Variants in KRT20 observed in about 807,000 individuals in gnomAD.
KRT20 encodes the protein keratin, type I cytoskeletal 20.
Under a neutral mutation model 43.0 loss-of-function variants are expected in KRT20, and 41 were observed. The observed-to-expected ratio is 0.95, with a 90% CI of 0.74 to 1.24. KRT20 has a LOEUF of 1.24. KRT20 is among the 50% of genes most tolerant of loss of function. The probability of loss-of-function intolerance (pLI) is 0.00; values close to 1 mark genes in which losing one functional copy is unlikely to be tolerated. For synonymous variants in KRT20, 207 were observed against 200.6 expected (o/e 1.03, Z -0.27); for missense variants, 533 against 521.2 (o/e 1.02, Z -0.22).
chr17:40,885,217 C>T lies in KRT20; in HGVS notation c.-32G>A, dbSNP rs1287059338. On this transcript the variant is annotated 5_prime_UTR_variant, in exon 1 of 8. Coordinates refer to ENST00000167588, the MANE Select transcript of KRT20 (RefSeq NM_019010.3). Reference sequence around the variant, plus strand: ...TTCCAGGAGGGAGCACCTGTAGCTTCAGGATGGTTGGGGCAGAGTGTGTCT... The same window carrying T: ...TTCCAGGAGGGAGCACCTGTAGCTTTAGGATGGTTGGGGCAGAGTGTGTCT... 1 of 1,556,212 alleles carries T rather than the reference C, an allele frequency of 6.4e-7. No individual in the cohort carries two copies. The highest frequency in any genetic ancestry group is 1.2e-5 in the South Asian group (1 of 86,168).
At chr17:40,878,021 C>T (rs1907420966) in intron 6 of KRT20, 124 bp downstream of exon 6, 8 of 811,598 alleles carry the variant, frequency 9.9e-6, no homozygotes, top group African/African-American at 1.7e-5. Flanking sequence ...CGTGGTGAGG[C>T]ATGTGTGAGT....
intron 2 of KRT20, among the ~76,000 whole-genome samples, chr17:40,881,897 AG>A (rs1278895583): frequency 2.7e-5 from 4 of 148,508 alleles, no homozygotes; most frequent in Non-Finnish European, 4.4e-5. Flanking sequence ...TTTTGAGACA[AG>A]GTCTCAGTCT....
rs926 is a variant in KRT20, at chr17:40,876,219, A to G, written c.*142T>C. Reference sequence around the variant, plus strand: ...TATTCAATTACAGAGTCTGATAAATAGGATTCCCGCCACCCCACCCCTTCT... The same window carrying G: ...TATTCAATTACAGAGTCTGATAAATGGGATTCCCGCCACCCCACCCCTTCT... On this transcript the variant is annotated 3_prime_UTR_variant, in exon 8 of 8. Transcript: ENST00000167588. 9.5e-6 allele frequency: 5 copies of G among 525,026 alleles called. No individual in the cohort carries two copies. Among genetic ancestry groups the G allele is most frequent in the Non-Finnish European group, 1.7e-5 (5 of 291,456 alleles). 32.5% of individuals were successfully genotyped at this position (525,026 alleles called of 1,614,324 possible). A position where few individuals can be genotyped will look rare whatever the true frequency, so the allele number is the denominator to read the frequency against.
chr17:40,878,163 A>G lies in KRT20; in HGVS notation c.1121T>C (p.Leu374Pro), dbSNP rs1226978667. 6.2e-7 allele frequency: 1 copy of G among 1,614,044 alleles called. No individual in the cohort carries two copies. Residue 374 changes from leucine (L) to proline (P), a missense_variant, in exon 6 of 8, where the codon CTG becomes CCG. Physicochemically the swap from Leu to Pro is moderately conservative, Grantham distance 98. Transcript: ENST00000167588. ...EQEIATYRRL[L>P]EGEDVKTTEY... is the part of the protein sequence containing the mutation. ...GCCTTACTTTACGTCTTCTCCTTCC[A>G]GAAGGCGGCGGTAAGTAGCAATTTC...
At chr17:40,880,524 C>T in intron 3 of KRT20, 90 bp downstream of exon 3, 2 of 1,145,558 alleles carry the variant, frequency 1.7e-6, no homozygotes, top group Admixed American at 2.0e-5. Context: ...CAACTCTTCC[C>T]CCTTCTCCTG....
In KRT20 at chr17:40,883,878, A is replaced by G. The variant is rs113188626; in HGVS notation, c.390+918T>C. ...CCATAGTTTCTAAAATTCCAAAGTA[A>G]CTTCCCATGGAGTCCGAATCAAATT... On this transcript the variant is annotated intron_variant, in intron 1 of 7. Coordinates refer to ENST00000167588, the MANE Select transcript of KRT20 (RefSeq NM_019010.3). Among the ~76,000 whole-genome samples, 695 of 152,348 alleles carry G rather than the reference A, an allele frequency of 4.6e-3. 6 individuals are homozygous for G. Among genetic ancestry groups the G allele is most frequent in the African/African-American group, 0.016 (672 of 41,578 alleles).
intron 2 of KRT20, among the ~76,000 whole-genome samples, chr17:40,881,551 C>T (rs1907598877): frequency 6.6e-6 from 1 of 152,154 alleles, no homozygotes; most frequent in Non-Finnish European, 1.5e-5. Flanking sequence ...TCATGCATGC[C>T]CTGCCCAGTT....
chr17:40,880,345 T>C lies in KRT20; in HGVS notation c.631-84A>G. ...GGCAGAAAAGACATAAGGAGTCTCA[T>C]GACCTCTTTCATTGGGAATAAGTAA... On this transcript the variant is annotated intron_variant, in intron 3 of 7. Transcript: ENST00000167588. 3 of 1,279,812 alleles carry C rather than the reference T, an allele frequency of 2.3e-6. No homozygotes were observed. In the South Asian group the frequency reaches 4.4e-5, roughly 19 times the overall value. 79.3% of individuals were successfully genotyped at this position (1,279,812 alleles called of 1,614,324 possible). A position where few individuals can be genotyped will look rare whatever the true frequency, so the allele number is the denominator to read the frequency against.
At chr17:40,884,304 C>T (rs933756193) in intron 1 of KRT20, among the ~76,000 whole-genome samples, 1 of 152,200 alleles carries the variant, frequency 6.6e-6, no homozygotes, top group African/African-American at 2.4e-5. Context: ...TCCTGCCACA[C>T]TGTTTCCACC....
chr17:40,879,733 C>A (rs1373444173), intron 5 of KRT20, 80 bp downstream of exon 5: 1 of 1,500,850 alleles, frequency 6.7e-7, no homozygotes, highest in African/African-American at 1.4e-5. Flanking sequence ...TCTTGTAGGT[C>A]TTTGCATTTC....
At chr17:40,879,294 C>T (rs1351283878) in intron 5 of KRT20, among the ~76,000 whole-genome samples, 2 of 152,070 alleles carry the variant, frequency 1.3e-5, no homozygotes, top group African/African-American at 4.8e-5. Context: ...ATTTGCTTGG[C>T]CTGGAATGTC....
At chr17:40,880,049 C>T in intron 4 of KRT20, 51 bp downstream of exon 4, 1 of 1,594,194 alleles carries the variant, frequency 6.3e-7, no homozygotes, top group Non-Finnish European at 8.6e-7. Context: ...TTATCTGTTT[C>T]TGGAGGAAAG....
In KRT20 at chr17:40,885,200, G is replaced by A. The variant is rs1283038299; in HGVS notation, c.-15C>T. 1 of 1,580,382 alleles carries A rather than the reference G, an allele frequency of 6.3e-7. No individual in the cohort carries two copies. Among genetic ancestry groups the A allele is most frequent in the South Asian group, 1.1e-5 (1 of 89,002 alleles). On this transcript the variant is annotated 5_prime_UTR_variant, in exon 1 of 8. Coordinates refer to ENST00000167588, the MANE Select transcript of KRT20 (RefSeq NM_019010.3). Reference sequence around the variant, plus strand: ...CTGAAATCCATTGGAGATTCCAGGAGGGAGCACCTGTAGCTTCAGGATGGT... The same window carrying A: ...CTGAAATCCATTGGAGATTCCAGGAAGGAGCACCTGTAGCTTCAGGATGGT...
intron 5 of KRT20, among the ~76,000 whole-genome samples, chr17:40,878,808 C>CTTT (rs11395499): frequency 6.8e-6 from 1 of 147,284 alleles, no homozygotes; most frequent in Non-Finnish European, 1.5e-5. Flanking sequence ...TTTTCTTTTT[C>CTTT]TTTTTTTTTT....
intron 2 of KRT20, 55 bp downstream of exon 2, chr17:40,882,517 G>T: frequency 1.2e-6 from 1 of 860,670 alleles, no homozygotes; most frequent in East Asian, 2.8e-5. Flanking sequence ...GTATCTGGAA[G>T]GACTACTAAA....
At position 40,878,133 on chromosome 17, in the gene KRT20, T is replaced by G; in HGVS notation, c.1139+12A>C. ...GATATTGACACCTATTCCTTGATTC[T>G]AAGAGCCTTACTTTACGTCTTCTCC... On this transcript the variant is annotated intron_variant, in intron 6 of 7. Transcript: ENST00000167588. 1 of 1,607,572 alleles carries G rather than the reference T, an allele frequency of 6.2e-7. No individual in the cohort carries two copies. The highest frequency in any genetic ancestry group is 8.5e-7 in the Non-Finnish European group (1 of 1,174,050).
intron 3 of KRT20, 74 bp downstream of exon 3, chr17:40,880,540 C>G: frequency 1.5e-6 from 2 of 1,334,064 alleles, no homozygotes; most frequent in Non-Finnish European, 1.0e-6. Context: ...TCCTGTTTCT[C>G]CCGCTCCTCC....
intron 1 of KRT20, 104 bp downstream of exon 1, chr17:40,884,692 C>T: frequency 7.7e-7 from 1 of 1,303,436 alleles, no homozygotes. Flanking sequence ...ACATTTTAGC[C>T]TAATTTGCTT....
At position 40,880,061 on chromosome 17, in the gene KRT20, A is replaced by G. The variant is rs768952491; in HGVS notation, c.792+39T>C. The G allele has an allele frequency of 1.1e-5, 18 of 1,599,938 alleles. No individual in the cohort carries two copies. The South Asian group carries it at 1.8e-4, about 16-fold the overall frequency. The stretch of plus-strand genomic sequence containing the variant: ...GAGTTATCTGTTTCTGGAGGAAAGC[A>G]TCTACACGTTTGCTCACCCTTTAGA... On this transcript the variant is annotated intron_variant, in intron 4 of 7. Transcript: ENST00000167588.
Sources: allele counts gnomAD v4.1 joint callset (sites outside exome capture counted in the v4.1 genomes callset), GRCh38; gene constraint gnomAD v4.1.1; transcripts MANE v1.5; gene names NCBI Gene and HGNC (gene_info 2026-07-23, HGNC 2026-07-21).